The following WDR27 variants were observed in gnomAD, a reference collection of about 807,000 sequenced individuals.
WDR27 encodes the protein WD repeat-containing protein 27.
WDR27 carries 100 observed loss-of-function variants against 114.4 expected under a neutral mutation model. That is an observed-to-expected ratio of 0.87 (90% CI 0.74 to 1.03). The LOEUF (loss-of-function observed/expected upper bound fraction) is 1.03. WDR27 is among the 50% of genes least tolerant of loss of function. The pLI is 0.00. For missense variants in WDR27, 1,129 were observed against 1,092.9 expected (o/e 1.03, Z -0.47); for synonymous variants, 449 against 423.1 (o/e 1.06, Z -0.75).
intron 25 of WDR27, among the ~76,000 whole-genome samples, chr6:169,550,488 C>T (rs955692206): frequency 2.6e-5 from 4 of 152,056 alleles, no homozygotes; most frequent in Non-Finnish European, 4.4e-5. Context: ...GGCACAATCT[C>T]GGCTCATTGC....
the WDR27 span, chr6:169,426,709 TG>T: frequency 6.6e-6 from 1 of 152,310 alleles, no homozygotes. Context: ...AATTGGAAAC[TG>T]TCTTTTTACT....
chr6:169,659,781 G>A lies in WDR27; in HGVS notation c.1130-263C>T, dbSNP rs557981680. ...CCGCTCTGAGGCTGGGATGTGACTCGGACTGAGACCTGCAGCTCAGCCTCC... is the reference window on the plus strand; with the variant it reads ...CCGCTCTGAGGCTGGGATGTGACTCAGACTGAGACCTGCAGCTCAGCCTCC... On this transcript the variant is annotated intron_variant, in intron 10 of 25. Transcript: ENST00000448612. This position sits in a 1 kb window ranked among gnomAD's most constrained non-coding sequence, Gnocchi z 4.3. Among the ~76,000 whole-genome samples the A allele has an allele frequency of 6.6e-6, 1 of 152,200 alleles. No homozygotes were observed. The highest frequency in any genetic ancestry group is 1.5e-5 in the Non-Finnish European group (1 of 68,004).
At chr6:169,648,277 T>C (rs1040978573) in intron 15 of WDR27, among the ~76,000 whole-genome samples, 4 of 152,120 alleles carry the variant, frequency 2.6e-5, no homozygotes, top group Non-Finnish European at 4.4e-5. Context: ...TCCGTGCACA[T>C]GCCAATGCCT....
intron 7 of WDR27, chr6:169,665,174 G>A (rs977947138): frequency 1.8e-5 from 20 of 1,094,884 alleles, no homozygotes; most frequent in South Asian, 3.6e-5. Flanking sequence ...AGCGGGGGAC[G>A]TCTGCTCACA....
At chr6:169,592,263 G>A (rs746748627) in intron 23 of WDR27, among the ~76,000 whole-genome samples, 2 of 151,712 alleles carry the variant, frequency 1.3e-5, no homozygotes, top group African/African-American at 2.4e-5. Flanking sequence ...TTGTTGTTGG[G>A]GGAGTGTTAA....
At chr6:169,686,898 A>C (rs1436299018) in intron 2 of WDR27, among the ~76,000 whole-genome samples, 6 of 152,198 alleles carry the variant, frequency 3.9e-5, no homozygotes, top group African/African-American at 1.4e-4. Flanking sequence ...ACAGAAAGAC[A>C]AATATCACAT....
intron 25 of WDR27, among the ~76,000 whole-genome samples, chr6:169,551,737 C>CAAAAAAAAA (rs1296878043): frequency 1.6e-5 from 1 of 60,692 alleles, no homozygotes; most frequent in Non-Finnish European, 4.0e-5. Flanking sequence ...GACTCCATCT[C>CAAAAAAAAA]AAAAAAAAAA....
chr6:169,435,879 CA>C, the WDR27 span, among the ~76,000 whole-genome samples: 1 of 152,252 alleles, frequency 6.6e-6, no homozygotes, highest in African/African-American at 2.4e-5. Context: ...TGGGAGGGCC[CA>C]GGGGCAGAAT....
At chr6:169,686,798 C>G (rs1311611938) in intron 2 of WDR27, among the ~76,000 whole-genome samples, 2 of 152,148 alleles carry the variant, frequency 1.3e-5, no homozygotes, top group Non-Finnish European at 2.9e-5. Flanking sequence ...CAATGGAATA[C>G]TATTCTGCCA....
intron 21 of WDR27, among the ~76,000 whole-genome samples, chr6:169,631,134 C>G (rs7453423): frequency 1.3e-5 from 2 of 152,270 alleles, no homozygotes; most frequent in African/African-American, 4.8e-5. Flanking sequence ...ACTGATTCAA[C>G]TAATTCACAC....
chr6:169,428,113 G>T, the WDR27 span, among the ~76,000 whole-genome samples: 1 of 152,198 alleles, frequency 6.6e-6, no homozygotes, highest in South Asian at 2.1e-4. Context: ...AGTCAGGGGA[G>T]GGGAGCCATT....
chr6:169,515,985 C>T (rs1340515813), intron 25 of WDR27, among the ~76,000 whole-genome samples: 4 of 152,048 alleles, frequency 2.6e-5, no homozygotes, highest in Admixed American at 6.5e-5. Context: ...CATTCAATAA[C>T]TTCAATGTGA....
intron 21 of WDR27, 23 bp from the exon 22 acceptor site, chr6:169,613,679 A>T (rs1811146842): frequency 6.3e-7 from 1 of 1,586,842 alleles, no homozygotes; most frequent in African/African-American, 1.3e-5. Context: ...GGGGGAAATC[A>T]AGATGTACTT....
At chr6:169,669,555 T>C (rs1366475848) in intron 4 of WDR27, 1 of 152,258 alleles carries the variant, frequency 6.6e-6, no homozygotes, top group Non-Finnish European at 1.5e-5. Context: ...ACAATGTTAA[T>C]TCTTTGCACA....
intron 25 of WDR27, among the ~76,000 whole-genome samples, chr6:169,467,569 C>T (rs1166323858): frequency 6.6e-6 from 1 of 152,232 alleles, no homozygotes; most frequent in Admixed American, 6.5e-5. Flanking sequence ...AAGCAATGGC[C>T]TGAGCTGTAT....
intron 25 of WDR27, among the ~76,000 whole-genome samples, chr6:169,553,641 C>T (rs916512545): frequency 2.6e-5 from 4 of 152,154 alleles, no homozygotes; most frequent in Admixed American, 1.3e-4. Flanking sequence ...GGAATGATAA[C>T]ACCTTCTTTT....
rs116552220 is a variant in WDR27, at chr6:169,460,890, A to G, written c.2646-3256T>C. Among the ~76,000 whole-genome samples the G allele has an allele frequency of 1.3e-3, 201 of 152,278 alleles. 1 individual carries two copies. Among genetic ancestry groups the G allele is most frequent in the African/African-American group, 4.7e-3 (197 of 41,566 alleles). ...ATACAAGCAGACCTGCACAGTTTGA[A>G]CCCATGTTGTTCAAGTGTCAGTTGC... is the stretch of plus-strand genomic sequence containing the variant. On this transcript the variant is annotated intron_variant, in intron 25 of 25. Coordinates refer to ENST00000448612, the MANE Select transcript of WDR27 (RefSeq NM_182552.5).
rs548405866 is a variant in WDR27 at position 169,532,468 on chromosome 6, AT to A, written c.2645+39950del. Among the ~76,000 whole-genome samples the A allele has an allele frequency of 9.9e-3, 1,507 of 151,906 alleles. 19 individuals are homozygous for A. Among genetic ancestry groups the A allele is most frequent in the Middle Eastern group, 0.024 (7 of 294 alleles). ...ATAAAGATCTAATATTGAGTAGAAAATTTTTTTTTATCAAATCCATAACTTG... is the reference window on the plus strand; with the variant it reads ...ATAAAGATCTAATATTGAGTAGAAAATTTTTTTTATCAAATCCATAACTTG... On this transcript the variant is annotated intron_variant, in intron 25 of 25. Transcript: ENST00000448612.
intron 25 of WDR27, among the ~76,000 whole-genome samples, chr6:169,536,291 G>A (rs1319765945): frequency 6.6e-6 from 1 of 152,122 alleles, no homozygotes; most frequent in African/African-American, 2.4e-5. Context: ...ATAACAGCAA[G>A]GACACCCCAC....
Sources: gnomAD v4.1 joint callset for allele counts (sites outside exome capture counted in the v4.1 genomes callset) on GRCh38, gnomAD v4.1.1 for gene constraint, Gnocchi (gnomAD v3.1) non-coding constraint, MANE v1.5 for transcripts, NCBI Gene and HGNC (gene_info 2026-07-23, HGNC 2026-07-21) for gene names.